IMPA1: variants seen among roughly 807,000 people sequenced by gnomAD.
The protein encoded by IMPA1 is D-galactose 1-phosphate phosphatase.
A neutral mutation model predicts 34.9 loss-of-function variants in IMPA1; 21 were observed. That is an observed-to-expected ratio of 0.60 (90% CI 0.43 to 0.87). IMPA1 has a LOEUF of 0.87. Ranked by LOEUF, IMPA1 falls within the 40% of genes least tolerant of loss-of-function variation. The probability of loss-of-function intolerance (pLI) is 0.00; values close to 1 mark genes in which losing one functional copy is unlikely to be tolerated. For synonymous variants in IMPA1, 95 were observed against 104.4 expected (o/e 0.91, Z 0.55); for missense variants, 299 against 336.4 (o/e 0.89, Z 0.87).
chr8:81,668,017 G>A (rs1021835804), intron 7 of IMPA1, among the ~76,000 whole-genome samples: 12 of 151,936 alleles, frequency 7.9e-5, no homozygotes, highest in Middle Eastern at 3.2e-3. Flanking sequence ...TAGAGACAGG[G>A]TTTCACCGTG....
chr8:81,684,518 T>TA (rs372896866), intron 1 of IMPA1, among the ~76,000 whole-genome samples: 416 of 30,614 alleles, frequency 0.014, 12 homozygotes, highest in Non-Finnish European at 0.026. Context: ...CTTTAGATAC[T>TA]ATGTGTAGTA....
chr8:81,682,489 G>A (rs1014337849), intron 1 of IMPA1, among the ~76,000 whole-genome samples: 3 of 152,166 alleles, frequency 2.0e-5, no homozygotes, highest in African/African-American at 7.2e-5. Flanking sequence ...GAGTGGAAAG[G>A]AGGGCAAAAG....
In IMPA1 at chr8:81,673,588, A is replaced by G. The variant is rs569132282; in HGVS notation, c.457+253T>C. ...CCTGTCTCAGATATTTTGGGTTCAC[A>G]ATAGGAAGCCAGTCTTAATCATCTT... On this transcript the variant is annotated intron_variant, in intron 6 of 8. Transcript: ENST00000256108. Among the ~76,000 whole-genome samples, 425 of 152,334 alleles carry G rather than the reference A, an allele frequency of 2.8e-3. 1 individual carries two copies. Among genetic ancestry groups the G allele is most frequent in the Non-Finnish European group, 4.8e-3 (324 of 68,030 alleles).
At chr8:81,679,346 G>A in intron 3 of IMPA1, 116 bp from the exon 4 acceptor site, 5 of 704,986 alleles carry the variant, frequency 7.1e-6, no homozygotes, top group South Asian at 1.6e-5. Flanking sequence ...AGGTGTGGAG[G>A]TTCACGCCTG....
In IMPA1 at chr8:81,673,732, C is replaced by A. The variant is rs139100776; in HGVS notation, c.457+109G>T. ...AAAAAGAATAAAGAGATAATAAACACAATTTATGAATCAGTTAACACCTGG... is the reference window on the plus strand; with the variant it reads ...AAAAAGAATAAAGAGATAATAAACAAAATTTATGAATCAGTTAACACCTGG... On this transcript the variant is annotated intron_variant, in intron 6 of 8. Coordinates refer to ENST00000256108, the MANE Select transcript of IMPA1 (RefSeq NM_005536.4). The A allele has an allele frequency of 4.7e-3, 3,067 of 646,692 alleles. 26 individuals are homozygous for A. Among genetic ancestry groups the A allele is most frequent in the Non-Finnish European group, 4.2e-3 (1,525 of 366,386 alleles). 40.1% of individuals were successfully genotyped at this position (646,692 alleles called of 1,614,324 possible). A position where few individuals can be genotyped will look rare whatever the true frequency, so the allele number is the denominator to read the frequency against.
intron 7 of IMPA1, among the ~76,000 whole-genome samples, chr8:81,667,266 G>C (rs1325750420): frequency 6.6e-6 from 1 of 152,126 alleles, no homozygotes; most frequent in Non-Finnish European, 1.5e-5. Context: ...ACCATCAGTA[G>C]GTTTCAGAAA....
intron 7 of IMPA1, among the ~76,000 whole-genome samples, chr8:81,663,964 C>T (rs746942827): frequency 9.2e-5 from 14 of 151,956 alleles, no homozygotes; most frequent in Non-Finnish European, 1.6e-4. Flanking sequence ...ACTTGAACCC[C>T]GGAGGCGGAG....
In IMPA1 at chr8:81,660,534, C is replaced by T. The variant is rs202089380; in HGVS notation, c.700G>A (p.Val234Met). 187 of 1,613,638 alleles carry T rather than the reference C, an allele frequency of 1.2e-4. No individual in the cohort carries two copies. In the East Asian group the frequency reaches 3.0e-3, roughly 26 times the overall value. The change falls in exon 8 of 9, where the codon GTG (valine) becomes ATG (methionine). Residue 234 changes from valine (V) to methionine (M), a missense_variant. Physicochemically the swap from Val to Met is conservative, Grantham distance 21 (BLOSUM62 1). Transcript: ENST00000256108. ...AGIIVTEAGG[V>M]LMDVTGGPFD... ...ATTTTACCTGTAACATCCATTAGCA[C>T]GCCACCAGCTTCAGTAACAATAATG... is the stretch of plus-strand genomic sequence containing the variant.
chr8:81,680,061 G>A (rs1284909327), intron 3 of IMPA1, among the ~76,000 whole-genome samples: 1 of 151,484 alleles, frequency 6.6e-6, no homozygotes, highest in African/African-American at 2.4e-5. Context: ...CTTGAACCTG[G>A]GAGGTGGAGG....
chr8:81,671,378 CAAATTACAGTA>C (rs1439555403), intron 6 of IMPA1, among the ~76,000 whole-genome samples: 4 of 152,000 alleles, frequency 2.6e-5, no homozygotes, highest in African/African-American at 9.7e-5. Context: ...TGGAAGAAAA[CAAATTACAGTA>C]AAATTACAGT....
In IMPA1 at chr8:81,680,730, T is replaced by A. The variant is rs761703385; in HGVS notation, c.117A>T (p.Pro39=). 1.4e-5 allele frequency: 23 copies of A among 1,610,932 alleles called. No individual in the cohort carries two copies. The highest frequency in any genetic ancestry group is 1.9e-5 in the Non-Finnish European group (22 of 1,177,240). ...NEMNVMLKSS[P]VDLVTATDQK... is the part of the protein sequence containing the mutation. Reference sequence around the variant, plus strand: ...GGTCCGTAGCAGTTACCAAATCAACTGGAGAACTTTTCAGCATAACATTCA... The same window carrying A: ...GGTCCGTAGCAGTTACCAAATCAACAGGAGAACTTTTCAGCATAACATTCA... Residue 39 remains proline (P), a synonymous_variant, in exon 3 of 9, where the codon CCA becomes CCT. Coordinates refer to ENST00000256108, the MANE Select transcript of IMPA1 (RefSeq NM_005536.4).
At chr8:81,675,201 T>C (rs1215721816) in intron 5 of IMPA1, among the ~76,000 whole-genome samples, 1 of 152,148 alleles carries the variant, frequency 6.6e-6, no homozygotes, top group Non-Finnish European at 1.5e-5. Flanking sequence ...TGGTCTTCAA[T>C]TTCTCCAAGC....
At chr8:81,674,485 C>A (rs1020286961) in intron 5 of IMPA1, 1 of 246,610 alleles carries the variant, frequency 4.1e-6, no homozygotes, top group African/African-American at 2.3e-5. Flanking sequence ...GAAAGTCCCA[C>A]AAAGAGAGTA....
intron 7 of IMPA1, among the ~76,000 whole-genome samples, chr8:81,665,307 G>A (rs1168935784): frequency 6.6e-6 from 1 of 151,830 alleles, no homozygotes; most frequent in East Asian, 1.9e-4. Flanking sequence ...ACCAAAATAC[G>A]TACATAAAAC....
At chr8:81,681,793 A>G (rs1563590538) in intron 1 of IMPA1, among the ~76,000 whole-genome samples, 1 of 152,228 alleles carries the variant, frequency 6.6e-6, no homozygotes, top group Admixed American at 6.5e-5. Context: ...AGACTATTCT[A>G]TGAAATTGCT....
At chr8:81,685,850 C>T (rs967948498) in intron 1 of IMPA1, 3 of 1,550,416 alleles carry the variant, frequency 1.9e-6, no homozygotes, top group Non-Finnish European at 1.7e-6. Flanking sequence ...GCCAGGCCAC[C>T]TTCCTTTTTG....
chr8:81,664,908 A>G (rs1806776887), intron 7 of IMPA1, among the ~76,000 whole-genome samples: 1 of 150,582 alleles, frequency 6.6e-6, no homozygotes. Context: ...AAAAAAAAAA[A>G]GAGTGAAAAC....
rs200411501 is a variant in IMPA1, at chr8:81,684,500, AT to A, written c.-25+1751del. Among the ~76,000 whole-genome samples the A allele has an allele frequency of 2.9e-3, 372 of 128,618 alleles. 1 individual carries two copies. Among genetic ancestry groups the A allele is most frequent in the South Asian group, 0.011 (42 of 3,872 alleles). 84.4% of individuals were successfully genotyped at this position (128,618 alleles called of 152,430 possible). A position where few individuals can be genotyped will look rare whatever the true frequency, so the allele number is the denominator to read the frequency against. ...CTTTAGATACTACAGTATACTACAC[AT>A]AAGTATCTTTAGATACTATGTGTAG... On this transcript the variant is annotated intron_variant, in intron 1 of 8. Coordinates refer to ENST00000256108, the MANE Select transcript of IMPA1 (RefSeq NM_005536.4).
chr8:81,675,311 C>G (rs971468578), intron 5 of IMPA1, among the ~76,000 whole-genome samples: 1 of 138,842 alleles, frequency 7.2e-6, no homozygotes, highest in African/African-American at 2.6e-5. Context: ...TGATCAACTT[C>G]TAAGACCCCT....
Sources: allele counts gnomAD v4.1 joint callset (sites outside exome capture counted in the v4.1 genomes callset), GRCh38; gene constraint gnomAD v4.1.1; transcripts MANE v1.5; gene names NCBI Gene and HGNC (gene_info 2026-07-23, HGNC 2026-07-21).